EPB41: variants seen among roughly 807,000 people sequenced by gnomAD.
EPB41 encodes the protein erythrocyte membrane protein band 4.1.
A neutral mutation model predicts 108.0 loss-of-function variants in EPB41; 65 were observed. The ratio of observed to expected loss-of-function variants is 0.60; its 90% CI spans 0.49 to 0.74. The LOEUF (loss-of-function observed/expected upper bound fraction) is 0.74, where lower values mean the gene tolerates loss of function less well. Among genes scored for constraint, EPB41 ranks in the 30% least tolerant of loss-of-function variants. The pLI, the probability that EPB41 is intolerant of heterozygous loss-of-function variation, is 0.00. For synonymous variants in EPB41, 336 were observed against 358.9 expected (o/e 0.94, Z 0.72); for missense variants, 875 against 1,037.0 (o/e 0.84, Z 2.15).
intron 10 of EPB41, among the ~76,000 whole-genome samples, chr1:29,036,901 C>T (rs954070895): frequency 1.3e-5 from 2 of 151,528 alleles, no homozygotes; most frequent in South Asian, 2.1e-4. Flanking sequence ...AGGATGATCT[C>T]GATCTCCTGA....
At chr1:29,109,299 T>C (rs1280260087) in intron 17 of EPB41, 37 bp from the exon 18 acceptor site, 2 of 1,524,760 alleles carry the variant, frequency 1.3e-6, no homozygotes, top group Non-Finnish European at 1.8e-6. Context: ...CCAGTCTTCC[T>C]GAGAGGCATG....
chr1:29,044,871 TAAA>T (rs1359754719), intron 11 of EPB41, among the ~76,000 whole-genome samples: 5 of 151,974 alleles, frequency 3.3e-5, no homozygotes, highest in Non-Finnish European at 4.4e-5. Flanking sequence ...TAAAATAAAA[TAAA>T]ATACCATTCT....
At chr1:28,951,079 C>A (rs1361272946) in intron 1 of EPB41, among the ~76,000 whole-genome samples, 1 of 152,048 alleles carries the variant, frequency 6.6e-6, no homozygotes, top group Non-Finnish European at 1.5e-5. Context: ...AGGTGATCCG[C>A]CTGCCTCAGC....
chr1:28,983,909 G>A (rs192629899), intron 1 of EPB41, among the ~76,000 whole-genome samples: 20 of 151,976 alleles, frequency 1.3e-4, no homozygotes, highest in African/African-American at 4.4e-4. Flanking sequence ...CATGGCTCCC[G>A]TGCTCTTGTC....
intron 10 of EPB41, 22 bp downstream of exon 10, chr1:29,035,945 T>C: frequency 6.5e-7 from 1 of 1,537,640 alleles, no homozygotes; most frequent in East Asian, 2.2e-5. Context: ...ACTTAAGTAT[T>C]TTTCAAGGAT....
At chr1:29,079,696 T>C (rs1210545772) in intron 16 of EPB41, among the ~76,000 whole-genome samples, 1 of 152,168 alleles carries the variant, frequency 6.6e-6, no homozygotes, top group Non-Finnish European at 1.5e-5. Context: ...AAATCTGTTT[T>C]GAAAGTAATA....
Position 29,065,107 on chromosome 1 carries a change from C to G in EPB41, c.2133C>G (p.His711Gln), listed in dbSNP as rs767938360. The stretch of plus-strand genomic sequence containing the variant: ...AATGGGATAAACGCTTATCCACTCA[C>G]TCACCCTTCCGAACTCTTAACATCA... The part of the protein sequence containing the change: ...PSEWDKRLST[H>Q]SPFRTLNING... The change falls in exon 16 of 21, where the codon CAC becomes CAG. Residue 711 changes from histidine to glutamine, a missense_variant. His to Gln is a conservative substitution (Grantham distance 24, BLOSUM62 0). Around this residue, in one of 3 missense-constraint regions of EPB41, gnomAD observed 519 missense variants for 627.3 expected, o/e 0.83. Coordinates refer to ENST00000343067, the MANE Select transcript of EPB41 (RefSeq NM_001376013.1). 4 of 1,613,744 alleles carry G rather than the reference C, an allele frequency of 2.5e-6. No individual in the cohort carries two copies. Among genetic ancestry groups the G allele is most frequent in the Non-Finnish European group, 2.5e-6 (3 of 1,179,710 alleles).
At chr1:29,016,111 T>G (rs2096574385) in intron 6 of EPB41, among the ~76,000 whole-genome samples, 1 of 152,142 alleles carries the variant, frequency 6.6e-6, no homozygotes, top group African/African-American at 2.4e-5. Flanking sequence ...ACTCTACTGT[T>G]TTTTTTGTTT....
At chr1:28,936,722 C>T (rs946641458) in intron 1 of EPB41, among the ~76,000 whole-genome samples, 6 of 152,216 alleles carry the variant, frequency 3.9e-5, no homozygotes, top group Non-Finnish European at 8.8e-5. Context: ...TGTATCAGTA[C>T]TTCATTCCTT....
At chr1:28,897,435 G>A (rs1403632287) in intron 1 of EPB41, among the ~76,000 whole-genome samples, 2 of 151,878 alleles carry the variant, frequency 1.3e-5, no homozygotes, top group African/African-American at 4.8e-5. Flanking sequence ...TGTCATTCCA[G>A]CTACTTGGGA....
intron 16 of EPB41, 183 bp downstream of exon 16, chr1:29,065,341 C>A: frequency 8.6e-7 from 1 of 1,157,888 alleles, no homozygotes; most frequent in South Asian, 2.2e-5. Context: ...AGGTAGGCTA[C>A]CCAGTGCAAT....
intron 16 of EPB41, chr1:29,097,365 G>A (rs1056498409): frequency 1.0e-5 from 2 of 194,096 alleles, no homozygotes; most frequent in Admixed American, 1.1e-4. Context: ...GAATTCGAGG[G>A]TAATGCATTC....
At chr1:28,893,891 C>T (rs1298803845) in intron 1 of EPB41, 3 of 152,158 alleles carry the variant, frequency 2.0e-5, no homozygotes, top group Non-Finnish European at 4.4e-5. Flanking sequence ...TAATGCATGT[C>T]CTGTGGCTCT....
chr1:28,999,025 A>G (rs2096243476), intron 4 of EPB41, among the ~76,000 whole-genome samples: 1 of 152,182 alleles, frequency 6.6e-6, no homozygotes, highest in African/African-American at 2.4e-5. Context: ...AAACAAAACA[A>G]TGCCCTCAAA....
chr1:29,085,927 A>G (rs954288067), intron 16 of EPB41, among the ~76,000 whole-genome samples: 23 of 152,222 alleles, frequency 1.5e-4, no homozygotes, highest in Non-Finnish European at 2.4e-4. Context: ...GAGAACTTTT[A>G]TATTACATAC....
chr1:28,925,185 G>A (rs1031500939), intron 1 of EPB41, among the ~76,000 whole-genome samples: 1 of 151,990 alleles, frequency 6.6e-6, no homozygotes, highest in Non-Finnish European at 1.5e-5. Context: ...GGCTGGTCCC[G>A]AACTCCTGAC....
intron 2 of EPB41, among the ~76,000 whole-genome samples, chr1:28,991,937 T>C (rs1159079002): frequency 6.6e-6 from 1 of 152,216 alleles, no homozygotes; most frequent in African/African-American, 2.4e-5. Flanking sequence ...TTTCTTAGAA[T>C]AGTGACTGGC....
intron 16 of EPB41, among the ~76,000 whole-genome samples, chr1:29,067,062 G>A (rs577834613): frequency 6.6e-6 from 1 of 151,442 alleles, no homozygotes; most frequent in African/African-American, 2.4e-5. Context: ...GGTGATAAAA[G>A]TTGGTTCACA....
At chr1:28,981,326 A>T (rs1200906508) in intron 1 of EPB41, among the ~76,000 whole-genome samples, 2 of 152,240 alleles carry the variant, frequency 1.3e-5, no homozygotes, top group East Asian at 3.8e-4. Context: ...GCTCATGTCC[A>T]TGTATGTCGA....
Sources: allele counts gnomAD v4.1 joint callset (sites outside exome capture counted in the v4.1 genomes callset), GRCh38; gene constraint gnomAD v4.1.1; regional missense constraint gnomAD v4.1.1; transcripts MANE v1.5; gene names NCBI Gene and HGNC (gene_info 2026-07-23, HGNC 2026-07-21).